Variants in RRBP1 observed in about 807,000 individuals in gnomAD.
The protein encoded by RRBP1 is ribosome binding protein 1.
RRBP1 carries 94 observed loss-of-function variants against 165.2 expected under a neutral mutation model. That is an observed-to-expected ratio of 0.57 (90% CI 0.48 to 0.68). RRBP1 has a LOEUF of 0.68. RRBP1 is among the 30% of genes least tolerant of loss of function. The pLI, the probability that RRBP1 is intolerant of heterozygous loss-of-function variation, is 0.00. For synonymous variants in RRBP1, 680 were observed against 714.5 expected, an observed-to-expected ratio of 0.95 and a Z score of 0.77; for missense variants, 1,676 against 1,763.0, an observed-to-expected ratio of 0.95 and a Z score of 0.88.
chr20:17,627,957 G>A (rs1050084589), intron 9 of RRBP1, among the ~76,000 whole-genome samples: 6 of 152,148 alleles, frequency 3.9e-5, no homozygotes, highest in Non-Finnish European at 7.4e-5. Flanking sequence ...GAGTGGAAAC[G>A]GACTCCAGCT....
chr20:17,622,628 C>T (rs772229846), intron 13 of RRBP1, among the ~76,000 whole-genome samples: 2 of 152,026 alleles, frequency 1.3e-5, no homozygotes, highest in African/African-American at 4.8e-5. Flanking sequence ...GAAGAGCCAG[C>T]GGCCCCCATT....
intron 3 of RRBP1, among the ~76,000 whole-genome samples, chr20:17,650,130 T>TA (rs1428509401): frequency 6.6e-6 from 1 of 151,902 alleles, no homozygotes; most frequent in Non-Finnish European, 1.5e-5. Flanking sequence ...TTATTTGACT[T>TA]AGAGACACAT....
In RRBP1 at chr20:17,621,568, TGTTTA is replaced by T. The variant is rs750293232; in HGVS notation, c.3325-26_3325-22del. 1.4e-5 allele frequency: 23 copies of T among 1,604,896 alleles called. No individual in the cohort carries two copies. The South Asian group carries it at 2.4e-4, about 17-fold the overall frequency. ...AGGTCCTGAGAGAGGGAAGAACAGG[TGTTTA>T]GTTAGCCACACACAAAGGTTCTTCT... On this transcript the variant is annotated intron_variant, in intron 15 of 24. Coordinates refer to ENST00000377813, the MANE Select transcript of RRBP1 (RefSeq NM_001365613.2).
chr20:17,627,562 A>C lies in RRBP1; in HGVS notation c.2870T>G (p.Ile957Ser). 1 of 1,613,418 alleles carries C rather than the reference A, an allele frequency of 6.2e-7. No individual in the cohort carries two copies. Among genetic ancestry groups the C allele is most frequent in the African/African-American group, 1.3e-5 (1 of 75,034 alleles). ...RAENSQLTER[I>S]RSIEALLEAG... The stretch of plus-strand genomic sequence containing the variant: ...CTCCAGCAGGGCCTCAATGGAACGG[A>C]TTCTCTCTGTGAGCTGGGAGTTCTC... The change falls in exon 10 of 25, where the codon ATC becomes AGC. Residue 957 changes from isoleucine (I) to serine (S), a missense_variant. Ile to Ser is a moderately radical substitution (Grantham distance 142). Around this residue, in one of 5 missense-constraint regions of RRBP1, gnomAD observed 1,184 missense variants for 1,167.1 expected, o/e 1.01. Transcript: ENST00000377813.
intron 3 of RRBP1, among the ~76,000 whole-genome samples, chr20:17,644,954 T>A (rs2122377571): frequency 6.6e-6 from 1 of 152,342 alleles, no homozygotes; most frequent in South Asian, 2.1e-4. Flanking sequence ...TTACATCACA[T>A]CCATGGCTCA....
At chr20:17,638,618 C>A (rs1406521564) in intron 5 of RRBP1, among the ~76,000 whole-genome samples, 1 of 152,142 alleles carries the variant, frequency 6.6e-6, no homozygotes, top group Non-Finnish European at 1.5e-5. Flanking sequence ...GTTTCTTTTT[C>A]TTCAAAGAGC....
In RRBP1 at chr20:17,659,053, G is replaced by C. The variant is rs13036825; in HGVS notation, c.1455C>G (p.Ala485=). 3.2e-6 allele frequency: 5 copies of C among 1,552,426 alleles called. No individual in the cohort carries two copies. In the Admixed American group the frequency reaches 9.9e-5, roughly 31 times the overall value. ...CCTCGGCCTTCTTGCCCTGGTTCTG[G>C]GCCCCCTCAGCCTTCTTGCCCTGGT... The part of the protein sequence containing the change: ...AQNQGKKAEG[A]QNQGKKAEGA... Residue 485 remains alanine (A), a synonymous_variant, in exon 3 of 25, where the codon GCC becomes GCG. Transcript: ENST00000377813.
chr20:17,639,982 C>T (rs575090552), intron 5 of RRBP1, among the ~76,000 whole-genome samples: 12 of 151,802 alleles, frequency 7.9e-5, no homozygotes, highest in Middle Eastern at 3.4e-3. Flanking sequence ...GGAAGAGAAA[C>T]GGCCAAAGGC....
At chr20:17,620,581 T>G (rs1463212789) in intron 17 of RRBP1, 134 bp downstream of exon 17, 1 of 806,986 alleles carries the variant, frequency 1.2e-6, no homozygotes, top group Middle Eastern at 2.2e-4. Context: ...ATCCCGCAAC[T>G]GTGCTTCATA....
At chr20:17,616,659 C>G in intron 21 of RRBP1, 73 bp downstream of exon 21, 1 of 1,039,498 alleles carries the variant, frequency 9.6e-7, no homozygotes, top group Non-Finnish European at 1.4e-6. Context: ...GGGGTTTAGT[C>G]CGAACGGAGG....
At chr20:17,642,002 G>A (rs1464483814) in intron 4 of RRBP1, 83 bp from the exon 5 acceptor site, 42 of 1,457,208 alleles carry the variant, frequency 2.9e-5, no homozygotes, top group Non-Finnish European at 3.5e-5. Context: ...GCAGAGGCCT[G>A]AGGGCTTGAT....
At chr20:17,658,542 A>T in intron 3 of RRBP1, 54 bp downstream of exon 3, 2 of 1,446,858 alleles carry the variant, frequency 1.4e-6, no homozygotes, top group Non-Finnish European at 1.9e-6. Context: ...AGAATCCATA[A>T]GTCATTTAAA....
chr20:17,659,574 C>A lies in RRBP1; in HGVS notation c.934G>T (p.Ala312Ser). 1 of 1,550,106 alleles carries A rather than the reference C, an allele frequency of 6.5e-7. No individual in the cohort carries two copies. The highest frequency in any genetic ancestry group is 8.7e-7 in the Non-Finnish European group (1 of 1,146,812). ...VEGAQNQGKK[A>S]EGAQNQGKKG... Reference sequence around the variant, plus strand: ...TTGCCCTGATTCTGGGCCCCCTCTGCCTTTTTGCCCTGGTTCTGGGCCCCT... The same window carrying A: ...TTGCCCTGATTCTGGGCCCCCTCTGACTTTTTGCCCTGGTTCTGGGCCCCT... Residue 312 changes from alanine (A) to serine (S), a missense_variant, in exon 3 of 25, where the codon GCA (alanine) becomes TCA (serine). Transcript: ENST00000377813.
chr20:17,660,622 T>C (rs2036748167), intron 2 of RRBP1, 94 bp from the exon 3 acceptor site: 1 of 760,978 alleles, frequency 1.3e-6, no homozygotes, highest in Non-Finnish European at 2.2e-6. Flanking sequence ...GTTTCACTAA[T>C]TCTTTCTTCA....
chr20:17,619,917 A>G, intron 18 of RRBP1, 189 bp from the exon 19 acceptor site: 1 of 561,156 alleles, frequency 1.8e-6, no homozygotes, highest in Non-Finnish European at 3.2e-6. Context: ...GGCAGGCTGC[A>G]CCCGGGCACT....
chr20:17,620,483 C>T, intron 17 of RRBP1, 113 bp from the exon 18 acceptor site: 1 of 988,962 alleles, frequency 1.0e-6, no homozygotes, highest in Non-Finnish European at 1.6e-6. Context: ...CCGGGGGTGC[C>T]CACTCCGCCC....
chr20:17,628,799 C>A (rs769170203), intron 9 of RRBP1, among the ~76,000 whole-genome samples: 1 of 152,246 alleles, frequency 6.6e-6, no homozygotes, highest in Non-Finnish European at 1.5e-5. Flanking sequence ...CCCTCTGGAG[C>A]AGGGGCCGGG....
intron 5 of RRBP1, among the ~76,000 whole-genome samples, chr20:17,639,713 G>A (rs1250525160): frequency 2.0e-5 from 3 of 152,206 alleles, no homozygotes; most frequent in South Asian, 4.2e-4. Flanking sequence ...GACCAACATG[G>A]AGAAACCCCG....
chr20:17,627,729 A>G (rs765258869), intron 9 of RRBP1, 47 bp from the exon 10 acceptor site: 76 of 1,527,214 alleles, frequency 5.0e-5, no homozygotes, highest in Non-Finnish European at 6.6e-5. Context: ...TGCAAACCCC[A>G]GGGGGTGTGG....
Sources: allele counts gnomAD v4.1 joint callset (sites outside exome capture counted in the v4.1 genomes callset), GRCh38; gene constraint gnomAD v4.1.1; regional missense constraint gnomAD v4.1.1; transcripts MANE v1.5; gene names NCBI Gene and HGNC (gene_info 2026-07-23, HGNC 2026-07-21).